LRRTM4: variants seen among roughly 807,000 people sequenced by gnomAD.
LRRTM4 encodes the protein leucine rich repeat transmembrane neuronal 4.
A neutral mutation model predicts 47.6 loss-of-function variants in LRRTM4; 25 were observed. The observed-to-expected ratio is 0.53, with a 90% CI of 0.38 to 0.73. The LOEUF (loss-of-function observed/expected upper bound fraction) is 0.73. LRRTM4 is among the 30% of genes least tolerant of loss of function. LRRTM4 has a pLI of 0.00. For missense variants in LRRTM4, 638 were observed against 713.4 expected (o/e 0.89, Z 1.20); for synonymous variants, 311 against 269.5 (o/e 1.15, Z -1.51).
chr2:76,870,733 C>G (rs995662683), intron 3 of LRRTM4, among the ~76,000 whole-genome samples: 6 of 152,120 alleles, frequency 3.9e-5, no homozygotes, highest in African/African-American at 1.4e-4. Context: ...CAAAAATTCA[C>G]AGGAGGAAGG....
At chr2:77,508,814 G>T (rs1294529865) in intron 3 of LRRTM4, among the ~76,000 whole-genome samples, 1 of 151,936 alleles carries the variant, frequency 6.6e-6, no homozygotes, top group Non-Finnish European at 1.5e-5. Flanking sequence ...ATATGCAGTA[G>T]AGCAATATCA....
chr2:77,316,537 A>G (rs148602257), intron 3 of LRRTM4, among the ~76,000 whole-genome samples: 1 of 149,112 alleles, frequency 6.7e-6, no homozygotes, highest in African/African-American at 2.5e-5. Context: ...ATATAATGGG[A>G]ATATAAATTG....
intron 3 of LRRTM4, among the ~76,000 whole-genome samples, chr2:77,351,784 A>C (rs1296487002): frequency 4.6e-5 from 7 of 151,898 alleles, no homozygotes; most frequent in Admixed American, 4.6e-4. Flanking sequence ...GGCCAAGTAA[A>C]ATGAGGAACA....
intron 3 of LRRTM4, among the ~76,000 whole-genome samples, chr2:77,068,904 G>C (rs577774307): frequency 2.0e-5 from 3 of 152,178 alleles, no homozygotes; most frequent in Non-Finnish European, 2.9e-5. Context: ...GGTGAAAACC[G>C]CTTAAAGGCA....
At chr2:77,022,641 T>C (rs1025831441) in intron 3 of LRRTM4, among the ~76,000 whole-genome samples, 1 of 152,208 alleles carries the variant, frequency 6.6e-6, no homozygotes, top group Non-Finnish European at 1.5e-5. Flanking sequence ...CATGCAAGTT[T>C]GAAATCCAGC....
At chr2:77,359,983 A>C (rs1672120928) in intron 3 of LRRTM4, among the ~76,000 whole-genome samples, 1 of 152,200 alleles carries the variant, frequency 6.6e-6, no homozygotes, top group Admixed American at 6.5e-5. Context: ...ATTATAGAAC[A>C]TGAAGTCTTC....
At chr2:77,366,694 T>G (rs560343962) in intron 3 of LRRTM4, among the ~76,000 whole-genome samples, 1 of 152,024 alleles carries the variant, frequency 6.6e-6, no homozygotes, top group African/African-American at 2.4e-5. Context: ...CCACCATCCA[T>G]GCAGTTAGAC....
At chr2:77,194,122 G>C (rs1047065235) in intron 3 of LRRTM4, among the ~76,000 whole-genome samples, 1 of 152,128 alleles carries the variant, frequency 6.6e-6, no homozygotes, top group African/African-American at 2.4e-5. Context: ...TGTGTCATAA[G>C]GGCCTTCTTG....
At chr2:76,852,028 C>G (rs939887577) in intron 3 of LRRTM4, among the ~76,000 whole-genome samples, 21 of 152,106 alleles carry the variant, frequency 1.4e-4, no homozygotes, top group African/African-American at 5.1e-4. Context: ...AAGGAAGCCT[C>G]ACTTTTTTTC....
intron 3 of LRRTM4, among the ~76,000 whole-genome samples, chr2:76,944,143 C>G (rs1675246898): frequency 6.6e-6 from 1 of 152,062 alleles, no homozygotes; most frequent in African/African-American, 2.4e-5. Flanking sequence ...TTACTCTATT[C>G]TGGATATTCG....
At chr2:77,509,568 G>C (rs990515365) in intron 3 of LRRTM4, among the ~76,000 whole-genome samples, 8 of 151,860 alleles carry the variant, frequency 5.3e-5, no homozygotes, top group African/African-American at 7.3e-5. Context: ...TCTACATCAG[G>C]GAGTATTATA....
chr2:76,987,015 T>C (rs886126720), intron 3 of LRRTM4, among the ~76,000 whole-genome samples: 1 of 151,924 alleles, frequency 6.6e-6, no homozygotes, highest in Non-Finnish European at 1.5e-5. Flanking sequence ...TTGGCTTCAA[T>C]AAAGTATTCT....
At chr2:77,044,835 A>T (rs1679180577) in intron 3 of LRRTM4, among the ~76,000 whole-genome samples, 1 of 151,776 alleles carries the variant, frequency 6.6e-6, no homozygotes, top group African/African-American at 2.4e-5. Flanking sequence ...ATATGCATGT[A>T]GGTGGCACAA....
At chr2:77,088,004 G>A (rs988031640) in intron 3 of LRRTM4, among the ~76,000 whole-genome samples, 4 of 152,120 alleles carry the variant, frequency 2.6e-5, no homozygotes, top group African/African-American at 9.7e-5. Context: ...TGAATGAAAA[G>A]GGAAATAAAG....
intron 3 of LRRTM4, among the ~76,000 whole-genome samples, chr2:77,214,813 C>G (rs1451616310): frequency 1.3e-5 from 2 of 151,516 alleles, no homozygotes; most frequent in Admixed American, 1.3e-4. Flanking sequence ...ATAGTTTTTC[C>G]TTGAATTAAA....
intron 3 of LRRTM4, among the ~76,000 whole-genome samples, chr2:77,372,784 T>C (rs1411150890): frequency 6.6e-6 from 1 of 151,628 alleles, no homozygotes; most frequent in Non-Finnish European, 1.5e-5. Flanking sequence ...TAACTGTGTG[T>C]GTTTGGTCTT....
At chr2:76,947,057 T>A (rs1421552029) in intron 3 of LRRTM4, among the ~76,000 whole-genome samples, 2 of 151,854 alleles carry the variant, frequency 1.3e-5, no homozygotes, top group Non-Finnish European at 2.9e-5. Context: ...AAACTCTCAG[T>A]TCCTGTTCTT....
chr2:76,841,224 A>G (rs1451184446), intron 3 of LRRTM4, among the ~76,000 whole-genome samples: 6 of 150,838 alleles, frequency 4.0e-5, no homozygotes, highest in Admixed American at 6.6e-5. Context: ...GAATTGAACA[A>G]TGAGAACACA....
intron 3 of LRRTM4, among the ~76,000 whole-genome samples, chr2:76,875,760 T>G (rs917120242): frequency 6.6e-6 from 1 of 152,180 alleles, no homozygotes; most frequent in African/African-American, 2.4e-5. Flanking sequence ...TATGTTGAGA[T>G]TGGTTTCCAC....
Sources: allele counts gnomAD v4.1 joint callset (sites outside exome capture counted in the v4.1 genomes callset), GRCh38; gene constraint gnomAD v4.1.1; transcripts MANE v1.5; gene names NCBI Gene and HGNC (gene_info 2026-07-23, HGNC 2026-07-21).